INVS: variants seen among roughly 807,000 people sequenced by gnomAD.
The protein encoded by INVS is inversion of embryo turning homolog.
Under a neutral mutation model 108.8 loss-of-function variants are expected in INVS, and 86 were observed. The ratio of observed to expected loss-of-function variants is 0.79; its 90% CI spans 0.66 to 0.95. The LOEUF (loss-of-function observed/expected upper bound fraction) is 0.95, where lower values mean the gene tolerates loss of function less well. Ranked by LOEUF, INVS falls within the 40% of genes least tolerant of loss-of-function variation. The pLI, the probability that INVS is intolerant of heterozygous loss-of-function variation, is 0.00. For missense variants in INVS, 1,169 were observed against 1,297.4 expected, an observed-to-expected ratio of 0.90 and a Z score of 1.52; for synonymous variants, 455 against 473.5, an observed-to-expected ratio of 0.96 and a Z score of 0.51.
chr9:100,118,589 G>A (rs554836381), intron 2 of INVS, among the ~76,000 whole-genome samples: 2 of 152,158 alleles, frequency 1.3e-5, no homozygotes, highest in East Asian at 1.9e-4. Context: ...CAAAATATAG[G>A]TTGAAAGCTT....
At chr9:100,203,748 C>T (rs1830597973) in intron 3 of INVS, among the ~76,000 whole-genome samples, 1 of 152,036 alleles carries the variant, frequency 6.6e-6, no homozygotes, top group Non-Finnish European at 1.5e-5. Flanking sequence ...GGTGATCCGC[C>T]CGCCTCAGCC....
chr9:100,256,674 C>A (rs1832431772), intron 10 of INVS, among the ~76,000 whole-genome samples: 1 of 152,106 alleles, frequency 6.6e-6, no homozygotes, highest in African/African-American at 2.4e-5. Context: ...TTGTTATGTA[C>A]CCAGTAGTCA....
intron 3 of INVS, among the ~76,000 whole-genome samples, chr9:100,145,828 C>T (rs978538597): frequency 6.6e-6 from 1 of 152,084 alleles, no homozygotes; most frequent in African/African-American, 2.4e-5. Context: ...TAAAACGCGT[C>T]TCCTGTCTCT....
chr9:100,206,233 TA>T (rs1180947858), intron 3 of INVS, among the ~76,000 whole-genome samples: 1 of 152,152 alleles, frequency 6.6e-6, no homozygotes, highest in East Asian at 1.9e-4. Flanking sequence ...AAAGAGTATG[TA>T]AAAATGTAAA....
At chr9:100,194,920 A>C (rs927193979) in intron 3 of INVS, among the ~76,000 whole-genome samples, 1 of 152,154 alleles carries the variant, frequency 6.6e-6, no homozygotes, top group Non-Finnish European at 1.5e-5. Context: ...ATGAGCAGAA[A>C]GTTGCCCACT....
At chr9:100,277,406 A>T (rs1833146340) in intron 12 of INVS, among the ~76,000 whole-genome samples, 1 of 152,126 alleles carries the variant, frequency 6.6e-6, no homozygotes. Context: ...GCCCATGGGG[A>T]ATTACTTCCA....
chr9:100,204,443 CTT>C (rs930194969), intron 3 of INVS, among the ~76,000 whole-genome samples: 1 of 152,182 alleles, frequency 6.6e-6, no homozygotes, highest in African/African-American at 2.4e-5. Context: ...GTATCTATCT[CTT>C]TAGTTTTTAA....
At chr9:100,181,340 C>T (rs1004055483) in intron 3 of INVS, among the ~76,000 whole-genome samples, 3 of 152,150 alleles carry the variant, frequency 2.0e-5, no homozygotes, top group African/African-American at 7.2e-5. Flanking sequence ...TTTCTGTTTG[C>T]AGATGACATG....
chr9:100,273,204 A>G, intron 12 of INVS, 128 bp downstream of exon 12: 1 of 749,286 alleles, frequency 1.3e-6, no homozygotes, highest in Middle Eastern at 3.5e-4. Flanking sequence ...GGTCCCTGCA[A>G]CCGGTCATCT....
Position 100,250,756 on chromosome 9 carries a change from A to G in INVS, c.1079-1527A>G, listed in dbSNP as rs555169752. 2.6e-5 allele frequency among the ~76,000 whole-genome samples: 4 copies of G among 152,266 alleles called. No individual in the cohort carries two copies. The South Asian group carries it at 6.2e-4, about 24-fold the overall frequency. On this transcript the variant is annotated intron_variant, in intron 8 of 16. Transcript: ENST00000262457. ...CTCCCTGCTTATATTCTAATCTACTACAAATACTTTCTCCTCAGAAGAGCT... is the reference window on the plus strand; with the variant it reads ...CTCCCTGCTTATATTCTAATCTACTGCAAATACTTTCTCCTCAGAAGAGCT...
chr9:100,149,897 C>A (rs1828755248), intron 3 of INVS, among the ~76,000 whole-genome samples: 1 of 152,168 alleles, frequency 6.6e-6, no homozygotes, highest in African/African-American at 2.4e-5. Context: ...TGAAAAAGTT[C>A]TTCAAGGTCA....
intron 3 of INVS, among the ~76,000 whole-genome samples, chr9:100,166,706 C>T (rs1321889080): frequency 6.6e-6 from 1 of 152,268 alleles, no homozygotes; most frequent in South Asian, 2.1e-4. Flanking sequence ...TATCTACAAA[C>T]CTAGATTTAT....
At chr9:100,117,612 C>A in intron 2 of INVS, 2 of 647,168 alleles carry the variant, frequency 3.1e-6, no homozygotes, top group East Asian at 2.8e-5. Flanking sequence ...GCCCCCCGCC[C>A]CCCCCGCCCA....
At chr9:100,264,112 T>C (rs1056627654) in intron 10 of INVS, among the ~76,000 whole-genome samples, 4 of 152,232 alleles carry the variant, frequency 2.6e-5, no homozygotes, top group African/African-American at 9.7e-5. Context: ...CCTCTTTATG[T>C]CTAGCAATGC....
rs1338121 is a variant in INVS at position 100,252,736 on chromosome 9, C to T, written c.1235-171C>T. ...TATTGTAAAAATCTGATGTAGACAA[C>T]GTATGTGGAAGCATTTCCATAAGAA... is the stretch of plus-strand genomic sequence containing the variant. On this transcript the variant is annotated intron_variant, in intron 9 of 16. Transcript: ENST00000262457. Among the ~76,000 whole-genome samples, 79,000 of 152,042 alleles carry T rather than the reference C, an allele frequency of 0.52. 21,432 individuals carry two copies. The highest frequency in any genetic ancestry group is 0.57 in the Non-Finnish European group (38,562 of 67,962).
chr9:100,296,828 C>A, intron 14 of INVS, 89 bp from the exon 15 acceptor site: 2 of 1,021,068 alleles, frequency 2.0e-6, no homozygotes, highest in Non-Finnish European at 3.0e-6. Flanking sequence ...TCAGCAAATA[C>A]TACTCCTATA....
intron 3 of INVS, among the ~76,000 whole-genome samples, chr9:100,135,151 T>C (rs936156334): frequency 6.6e-6 from 1 of 152,228 alleles, no homozygotes; most frequent in African/African-American, 2.4e-5. Context: ...TGTTATATTC[T>C]CAATTTTTAA....
At chr9:100,153,609 AGCCTGTTTTGTGTTGCAATAAC>A (rs1328475307) in intron 3 of INVS, among the ~76,000 whole-genome samples, 5 of 152,222 alleles carry the variant, frequency 3.3e-5, no homozygotes, top group African/African-American at 1.2e-4. Flanking sequence ...TGGTTTCCTT[AGCCTGTTTTGTGTTGCAATAAC>A]AGAATACCAC....
rs1491140004 is a variant in INVS at position 100,100,654 on chromosome 9, A to ATAATAAC, written c.-25+1238_-25+1239insTAATAAC. 1.8e-4 allele frequency among the ~76,000 whole-genome samples: 7 copies of ATAATAAC among 39,944 alleles called. 1 individual carries two copies. Among genetic ancestry groups the ATAATAAC allele is most frequent in the African/African-American group, 1.0e-3 (7 of 6,950 alleles). 26.2% of individuals were successfully genotyped at this position (39,944 alleles called of 152,430 possible). ...ATATATATATTATATATGTATATAT[A>ATAATAAC]ATATATATATTATATATGTACATAT... On this transcript the variant is annotated intron_variant, in intron 1 of 16. Coordinates refer to ENST00000262457, the MANE Select transcript of INVS (RefSeq NM_014425.5).
Sources: allele counts gnomAD v4.1 joint callset (sites outside exome capture counted in the v4.1 genomes callset), GRCh38; gene constraint gnomAD v4.1.1; transcripts MANE v1.5; gene names NCBI Gene and HGNC (gene_info 2026-07-23, HGNC 2026-07-21).